SCAPER: variants seen among roughly 807,000 people sequenced by gnomAD.
SCAPER encodes S phase cyclin A-associated protein in the endoplasmic reticulum.
Under a neutral mutation model 182.2 loss-of-function variants are expected in SCAPER, and 98 were observed. The observed-to-expected ratio is 0.54, with a 90% CI of 0.46 to 0.64. The LOEUF is 0.64. SCAPER is among the 30% of genes least tolerant of loss of function. The pLI, the probability that SCAPER is intolerant of heterozygous loss-of-function variation, is 0.00. For missense variants in SCAPER, 1,432 were observed against 1,690.0 expected (o/e 0.85, Z 2.68); for synonymous variants, 605 against 564.6 (o/e 1.07, Z -1.01).
At chr15:76,501,773 T>A (rs2041145246) in intron 24 of SCAPER, among the ~76,000 whole-genome samples, 1 of 152,208 alleles carries the variant, frequency 6.6e-6, no homozygotes, top group Non-Finnish European at 1.5e-5. Flanking sequence ...ATGGAAAGAT[T>A]CTGGACAGGC....
chr15:76,642,510 C>T (rs918830598), intron 21 of SCAPER, among the ~76,000 whole-genome samples: 1 of 151,804 alleles, frequency 6.6e-6, no homozygotes, highest in African/African-American at 2.4e-5. Flanking sequence ...TTACTTTTTC[C>T]TCATAATTTC....
chr15:76,602,833 T>A (rs2050018779), intron 22 of SCAPER, among the ~76,000 whole-genome samples: 1 of 119,316 alleles, frequency 8.4e-6, no homozygotes, highest in African/African-American at 2.5e-5. Flanking sequence ...TGAGATTATT[T>A]CCTCAGCTAT....
intron 21 of SCAPER, among the ~76,000 whole-genome samples, chr15:76,662,029 C>G (rs1030039189): frequency 6.6e-6 from 1 of 152,104 alleles, no homozygotes; most frequent in African/African-American, 2.4e-5. Context: ...AGGTCCTTTG[C>G]AGGGACATGG....
intron 5 of SCAPER, among the ~76,000 whole-genome samples, chr15:76,824,063 G>A (rs530593778): frequency 1.3e-5 from 2 of 152,250 alleles, no homozygotes; most frequent in South Asian, 2.1e-4. Flanking sequence ...GTGGTACCAC[G>A]CAGCTGTAAT....
chr15:76,724,825 G>A (rs978761692), intron 17 of SCAPER, among the ~76,000 whole-genome samples: 6 of 151,990 alleles, frequency 3.9e-5, no homozygotes, highest in Admixed American at 6.6e-5. Flanking sequence ...TTATCCATTC[G>A]TCTAATTTTT....
chr15:76,353,946 T>C lies in SCAPER; in HGVS notation c.4047+3A>G, dbSNP rs2040781596. ...AGACAATTACGTATAATGTAGAAGG[T>C]ACCTGAATGAAAGTGGCCAGTAAAA... is the stretch of plus-strand genomic sequence containing the variant. On this transcript the variant is annotated splice_donor_region_variant and intron_variant, in intron 30 of 31. Transcript: ENST00000563290. 6.4e-7 allele frequency: 1 copy of C among 1,559,284 alleles called. No homozygotes were observed. The highest frequency in any genetic ancestry group is 2.1e-5 in the Admixed American group (1 of 46,980).
At chr15:76,801,348 G>A (rs1660724270) in intron 6 of SCAPER, among the ~76,000 whole-genome samples, 1 of 152,040 alleles carries the variant, frequency 6.6e-6, no homozygotes, top group South Asian at 2.1e-4. Flanking sequence ...TATTTAATCA[G>A]TGTATCAATA....
At chr15:76,369,836 G>A (rs761492512) in intron 29 of SCAPER, among the ~76,000 whole-genome samples, 5 of 152,158 alleles carry the variant, frequency 3.3e-5, no homozygotes, top group Non-Finnish European at 5.9e-5. Context: ...CCCTTGCCCC[G>A]CAGCCTGACT....
At chr15:76,625,098 G>A (rs1341124180) in intron 21 of SCAPER, among the ~76,000 whole-genome samples, 1 of 152,160 alleles carries the variant, frequency 6.6e-6, no homozygotes, top group Non-Finnish European at 1.5e-5. Flanking sequence ...GGACTGGGCT[G>A]GGCAGTCCCC....
Position 76,862,269 on chromosome 15 carries a change from T to C in SCAPER, c.124+147A>G, listed in dbSNP as rs915930737. On this transcript the variant is annotated intron_variant, in intron 3 of 31. Coordinates refer to ENST00000563290, the MANE Select transcript of SCAPER (RefSeq NM_020843.4). The stretch of plus-strand genomic sequence containing the variant: ...TAAGGCTTTTATAAAACCATGTGTG[T>C]ATAAAAGCAACAAAAAAGTATTTCT... The C allele has an allele frequency of 5.6e-6, 3 of 532,322 alleles. No individual in the cohort carries two copies. The African/African-American group carries it at 5.8e-5, about 10-fold the overall frequency. 33.0% of individuals were successfully genotyped at this position (532,322 alleles called of 1,614,324 possible). A position where few individuals can be genotyped will look rare whatever the true frequency, so the allele number is the denominator to read the frequency against.
chr15:76,773,252 A>G (rs1181648425), intron 9 of SCAPER, among the ~76,000 whole-genome samples: 1 of 151,934 alleles, frequency 6.6e-6, no homozygotes, highest in Non-Finnish European at 1.5e-5. Context: ...AATGACAGTG[A>G]AGAAAACAAA....
chr15:76,772,091 A>G (rs1392159306), intron 9 of SCAPER, 137 bp from the exon 10 acceptor site: 13 of 658,994 alleles, frequency 2.0e-5, no homozygotes, highest in Non-Finnish European at 3.0e-5. Flanking sequence ...AAATTTACTC[A>G]TCTTTTTTGT....
intron 23 of SCAPER, among the ~76,000 whole-genome samples, chr15:76,548,483 T>C (rs1378220457): frequency 6.6e-6 from 1 of 152,210 alleles, no homozygotes; most frequent in Non-Finnish European, 1.5e-5. Context: ...GTTTCCCAAG[T>C]TGATATAGTA....
At chr15:76,831,170 T>C (rs544301892) in intron 5 of SCAPER, among the ~76,000 whole-genome samples, 1 of 152,276 alleles carries the variant, frequency 6.6e-6, no homozygotes, top group South Asian at 2.1e-4. Context: ...TCCCCAAGGC[T>C]TGCCATACTC....
At chr15:76,593,507 T>C (rs2049281981) in intron 22 of SCAPER, among the ~76,000 whole-genome samples, 1 of 120,930 alleles carries the variant, frequency 8.3e-6, no homozygotes, top group South Asian at 2.6e-4. Flanking sequence ...GGGTCCCTGA[T>C]CCCCATGCCT....
intron 17 of SCAPER, among the ~76,000 whole-genome samples, chr15:76,707,453 T>G (rs1448469625): frequency 6.6e-6 from 1 of 152,076 alleles, no homozygotes; most frequent in Non-Finnish European, 1.5e-5. Flanking sequence ...ACCATGTGAA[T>G]AGTAGATACG....
intron 15 of SCAPER, among the ~76,000 whole-genome samples, chr15:76,742,026 TAAA>T (rs1030986344): frequency 6.6e-6 from 1 of 151,902 alleles, no homozygotes; most frequent in Non-Finnish European, 1.5e-5. Context: ...ACTAACAAAA[TAAA>T]GAAGGGAAGA....
At chr15:76,669,616 GTA>G (rs1325772295) in intron 20 of SCAPER, among the ~76,000 whole-genome samples, 1 of 152,186 alleles carries the variant, frequency 6.6e-6, no homozygotes, top group African/African-American at 2.4e-5. Flanking sequence ...GCAGGTGGTA[GTA>G]TGTTTACATT....
intron 23 of SCAPER, among the ~76,000 whole-genome samples, chr15:76,521,055 G>T (rs1178529301): frequency 6.6e-6 from 1 of 152,082 alleles, no homozygotes; most frequent in South Asian, 2.1e-4. Context: ...GCTTTGAAAA[G>T]GGTCATTATT....
Sources: allele counts gnomAD v4.1 joint callset (sites outside exome capture counted in the v4.1 genomes callset), GRCh38; gene constraint gnomAD v4.1.1; transcripts MANE v1.5; gene names NCBI Gene and HGNC (gene_info 2026-07-23, HGNC 2026-07-21).